Variants in SERPINA11 observed in about 807,000 individuals in gnomAD.
SERPINA11 encodes serpin family A member 11, also known as serpin A11.
SERPINA11 carries 28 observed loss-of-function variants against 29.4 expected under a neutral mutation model. The observed-to-expected ratio is 0.95, with a 90% CI of 0.70 to 1.30. The LOEUF is 1.30. Among genes scored for constraint, SERPINA11 ranks in the 50% most tolerant of loss-of-function variants. The pLI is 0.00. For missense variants in SERPINA11, 530 were observed against 507.3 expected, an observed-to-expected ratio of 1.04 and a Z score of -0.43; for synonymous variants, 253 against 206.6, an observed-to-expected ratio of 1.22 and a Z score of -1.92.
rs55726715 is a variant in SERPINA11 at position 94,452,214 on chromosome 14, A to G, written c.-4+515T>C. ...GAGAAACACTTGCTTTGTCTTATTT[A>G]ATTTAATCCTTATGAGAACCTCAAA... On this transcript the variant is annotated intron_variant, in intron 1 of 4. Transcript: ENST00000334708. Among the ~76,000 whole-genome samples the G allele has an allele frequency of 3.0e-3, 453 of 152,218 alleles. 3 individuals are homozygous for G. The highest frequency in any genetic ancestry group is 0.014 in the Middle Eastern group (4 of 294).
Position 94,446,430 on chromosome 14 carries a change from A to C in SERPINA11, c.818T>G (p.Leu273Trp). 6.2e-7 allele frequency: 1 copy of C among 1,614,192 alleles called. No homozygotes were observed. The highest frequency in any genetic ancestry group is 8.5e-7 in the Non-Finnish European group (1 of 1,180,012). The change falls in exon 3 of 5, where the codon TTG (leucine) becomes TGG (tryptophan). Residue 273 changes from leucine to tryptophan, a missense_variant. Transcript: ENST00000334708. ...VLQIEYRGNA[L>W]ALLVLPDPGK... is the part of the protein sequence containing the mutation. ...CGGGTCAGGGAGGACCAGCAGCGCC[A>C]AGGCATTTCCTCTGTATTCTATCTG...
In SERPINA11 at chr14:94,448,768, G is replaced by A. The variant is rs1246216722; in HGVS notation, c.7C>T (p.Pro3Ser). The change falls in exon 2 of 5, where the codon CCA becomes TCA. Residue 3 changes from proline to serine, a missense_variant. Transcript: ENST00000334708. ...GTTCCCAGTAGCCAAAGCCAAGCTG[G>A]ACCCATTCTCTGAAAACAAGAGGGT... MG[P>S]AWLWLLGTGI... The A allele has an allele frequency of 6.6e-7, 1 of 1,508,358 alleles. No individual in the cohort carries two copies. The highest frequency in any genetic ancestry group is 2.3e-5 in the East Asian group (1 of 43,868). The allele number at this position is 1,508,358 out of a possible 1,614,324, so 93.4% of individuals were successfully genotyped here.
chr14:94,446,336 C>A lies in SERPINA11; in HGVS notation c.912G>T (p.Leu304=), dbSNP rs745366755. 10 of 1,612,374 alleles carry A rather than the reference C, an allele frequency of 6.2e-6. No individual in the cohort carries two copies. The highest frequency in any genetic ancestry group is 8.5e-6 in the Non-Finnish European group (10 of 1,179,670). Residue 304 remains leucine (L), a synonymous_variant, in exon 3 of 5, where the codon CTG becomes CTT. Transcript: ENST00000334708. ...QTLRKWGQLL[L]PSLLDLHLPR... ...CCTTCTGCTGTGACACTTACCTGGGCAGGAGCAATTGGCCCCATTTTCTCA... is the reference window on the plus strand; with the variant it reads ...CCTTCTGCTGTGACACTTACCTGGGAAGGAGCAATTGGCCCCATTTTCTCA...
chr14:94,444,783 AGT>A (rs1278506719), intron 3 of SERPINA11, among the ~76,000 whole-genome samples: 2 of 152,150 alleles, frequency 1.3e-5, no homozygotes, highest in Admixed American at 1.3e-4. Context: ...TGGGGTGGCT[AGT>A]GCCTCCCAGG....
chr14:94,443,088 G>A lies in SERPINA11; in HGVS notation c.1055C>T (p.Thr352Ile). The A allele has an allele frequency of 6.2e-7, 1 of 1,611,876 alleles. No homozygotes were observed. The highest frequency in any genetic ancestry group is 8.5e-7 in the Non-Finnish European group (1 of 1,179,186). The part of the protein sequence containing the change: ...FSGVTGQLNK[T>I]ISKVSHKAMV... Reference sequence around the variant, plus strand: ...TGTTCACCACTTTACCTTGGAGATGGTTTTGTTGAGCTGCCCAGTGACTCC... The same window carrying A: ...TGTTCACCACTTTACCTTGGAGATGATTTTGTTGAGCTGCCCAGTGACTCC... The change falls in exon 4 of 5, where the codon ACC (threonine) becomes ATC (isoleucine). Residue 352 changes from threonine (T) to isoleucine (I), a missense_variant. By Grantham distance (89) the Thr-to-Ile change is moderately conservative. Coordinates refer to ENST00000334708, the MANE Select transcript of SERPINA11 (RefSeq NM_001080451.2).
chr14:94,449,447 T>TTC (rs1414872678), intron 1 of SERPINA11, among the ~76,000 whole-genome samples: 1 of 112,224 alleles, frequency 8.9e-6, no homozygotes, highest in African/African-American at 5.0e-5. Flanking sequence ...CTTTCTTTCT[T>TTC]TCTTTCTTTC....
rs200944129 is a variant in SERPINA11, at chr14:94,448,667, G to C, written c.108C>G (p.Pro36=). The C allele has an allele frequency of 3.2e-6, 5 of 1,577,162 alleles. No individual in the cohort carries two copies. Among genetic ancestry groups the C allele is most frequent in the Admixed American group, 3.6e-5 (2 of 55,916 alleles). The change falls in exon 2 of 5, where the codon CCC becomes CCG. Residue 36 remains proline (P), a synonymous_variant. Coordinates refer to ENST00000334708, the MANE Select transcript of SERPINA11 (RefSeq NM_001080451.2). The part of the protein sequence containing the change: ...GDKSLQGPQP[P]RHQLSEPAPA... The stretch of plus-strand genomic sequence containing the variant: ...GGGCTGGCTCTGAGAGCTGATGCCT[G>C]GGGGGTTGAGGCCCCTGCAGACTTT...
At position 94,449,507 on chromosome 14, in the gene SERPINA11, CTT is replaced by C. The variant is rs1491200704; in HGVS notation, c.-3-732_-3-731del. On this transcript the variant is annotated intron_variant, in intron 1 of 4. Coordinates refer to ENST00000334708, the MANE Select transcript of SERPINA11 (RefSeq NM_001080451.2). ...TGTCTGTCTGTCTTTCTTTCTCTTT[CTT>C]TTTCTTTCTTTCTTTCTTTTTCTTT... Among the ~76,000 whole-genome samples, 148 of 129,616 alleles carry C rather than the reference CTT, an allele frequency of 1.1e-3. 8 individuals are homozygous for C. The highest frequency in any genetic ancestry group is 4.4e-3 in the African/African-American group (127 of 29,126). 85.0% of individuals were successfully genotyped at this position (129,616 alleles called of 152,430 possible). A position where few individuals can be genotyped will look rare whatever the true frequency, so the allele number is the denominator to read the frequency against.
At chr14:94,445,865 C>T (rs1456897541) in intron 3 of SERPINA11, among the ~76,000 whole-genome samples, 5 of 152,168 alleles carry the variant, frequency 3.3e-5, no homozygotes, top group African/African-American at 1.2e-4. Flanking sequence ...GTCTGAGCTG[C>T]TGCACCCAGC....
At chr14:94,447,175 T>C (rs1898460799) in intron 2 of SERPINA11, among the ~76,000 whole-genome samples, 1 of 152,212 alleles carries the variant, frequency 6.6e-6, no homozygotes, top group South Asian at 2.1e-4. Flanking sequence ...ATTCAATTAA[T>C]AAAATGTCAT....
chr14:94,443,819 T>C (rs568677088), intron 3 of SERPINA11, among the ~76,000 whole-genome samples: 4 of 152,342 alleles, frequency 2.6e-5, no homozygotes, highest in African/African-American at 9.6e-5. Context: ...AATGAACTCC[T>C]GCTTCTGCGT....
Position 94,449,395 on chromosome 14 carries a change from TCTTTCTTTCTATTCTTTCTTTC to T in SERPINA11, c.-3-640_-3-619del, listed in dbSNP as rs1255991151. On this transcript the variant is annotated intron_variant, in intron 1 of 4. Coordinates refer to ENST00000334708, the MANE Select transcript of SERPINA11 (RefSeq NM_001080451.2). The stretch of plus-strand genomic sequence containing the variant: ...CCATAGTCTAGCCTCCCTCCCTCTT[TCTTTCTTTCTATTCTTTCTTTC>T]TTTCTTTCTTTCTTTCTTTCTTTCT... Among the ~76,000 whole-genome samples the T allele has an allele frequency of 7.3e-3, 597 of 82,128 alleles. 29 individuals carry two copies. The highest frequency in any genetic ancestry group is 0.015 in the Middle Eastern group (2 of 136). 53.9% of individuals were successfully genotyped at this position (82,128 alleles called of 152,430 possible). A position where few individuals can be genotyped will look rare whatever the true frequency, so the allele number is the denominator to read the frequency against.
chr14:94,451,749 T>A (rs1595656664), intron 1 of SERPINA11, among the ~76,000 whole-genome samples: 1 of 152,174 alleles, frequency 6.6e-6, no homozygotes, highest in Non-Finnish European at 1.5e-5. Flanking sequence ...GCCCACCTCC[T>A]GGGTGTGGGG....
chr14:94,449,404 C>CT (rs1375899789), intron 1 of SERPINA11, among the ~76,000 whole-genome samples: 2 of 31,530 alleles, frequency 6.3e-5, no homozygotes, highest in Non-Finnish European at 1.6e-4. Context: ...TTCTTTCTTT[C>CT]TATTCTTTCT....
At chr14:94,449,463 T>TTCTG (rs1898535794) in intron 1 of SERPINA11, among the ~76,000 whole-genome samples, 3 of 97,642 alleles carry the variant, frequency 3.1e-5, no homozygotes, top group African/African-American at 1.0e-4. Context: ...CTTTCTTTCT[T>TTCTG]TCTTTCTTTC....
At position 94,442,763 on chromosome 14, in the gene SERPINA11, G is replaced by A. The variant is rs960151204; in HGVS notation, c.1112C>T (p.Ala371Val). ...MVDMSEKGTEAGAASGLLSQP... is the reference protein window; with the variant it reads ...MVDMSEKGTEVGAASGLLSQP... ...GGAGAGGAGGCCTGAAGCAGCCCCGGCCTCGGTCCCCTTCTCACTCATGTC... is the reference window on the plus strand; with the variant it reads ...GGAGAGGAGGCCTGAAGCAGCCCCGACCTCGGTCCCCTTCTCACTCATGTC... Residue 371 changes from alanine to valine, a missense_variant, in exon 5 of 5, where the codon GCC (alanine) becomes GTC (valine). Ala to Val is a moderately conservative substitution (Grantham distance 64). Transcript: ENST00000334708. 2.5e-6 allele frequency: 4 copies of A among 1,612,978 alleles called. No homozygotes were observed. Among genetic ancestry groups the A allele is most frequent in the Non-Finnish European group, 3.4e-6 (4 of 1,179,722 alleles).
rs1898361155 is a variant in SERPINA11, at chr14:94,442,570, G to A, written c.*36C>T. The A allele has an allele frequency of 1.3e-6, 2 of 1,513,704 alleles. No homozygotes were observed. Among genetic ancestry groups the A allele is most frequent in the South Asian group, 1.2e-5 (1 of 83,660 alleles). The allele number at this position is 1,513,704 out of a possible 1,614,324, so 93.8% of individuals were successfully genotyped here. ...GGTTCTGGCCTATCTGTTTGGTCCA[G>A]GATGAGATAAGATAACTCCTGGCCT... is the stretch of plus-strand genomic sequence containing the variant. On this transcript the variant is annotated 3_prime_UTR_variant, in exon 5 of 5. Coordinates refer to ENST00000334708, the MANE Select transcript of SERPINA11 (RefSeq NM_001080451.2).
chr14:94,449,878 T>C lies in SERPINA11; in HGVS notation c.-3-1101A>G, dbSNP rs761577909. Among the ~76,000 whole-genome samples, 5 of 152,206 alleles carry C rather than the reference T, an allele frequency of 3.3e-5. No homozygotes were observed. In the East Asian group the frequency reaches 7.7e-4, roughly 23 times the overall value. ...GCCTCCCTCACATCCAGCATGGCTA[T>C]TGACTATGATCCTGCCCATTGGAAA... On this transcript the variant is annotated intron_variant, in intron 1 of 4. Transcript: ENST00000334708.
intron 1 of SERPINA11, among the ~76,000 whole-genome samples, chr14:94,452,179 T>G (rs946736731): frequency 6.6e-6 from 1 of 152,130 alleles, no homozygotes. Flanking sequence ...ATACCGGTAG[T>G]GCCCTTGTTG....
Sources: gnomAD v4.1 joint callset for allele counts (sites outside exome capture counted in the v4.1 genomes callset) on GRCh38, gnomAD v4.1.1 for gene constraint, MANE v1.5 for transcripts, NCBI Gene and HGNC (gene_info 2026-07-23, HGNC 2026-07-21) for gene names.